Variants in ESR1 observed in about 807,000 individuals in gnomAD.
ESR1 encodes estrogen receptor.
In ESR1, 12 loss-of-function variants were observed where a neutral mutation model predicts 52.7. That is an observed-to-expected ratio of 0.23 (90% CI 0.15 to 0.37). ESR1 has a LOEUF of 0.37. ESR1 is among the 10% of genes least tolerant of loss of function. ESR1 has a pLI of 1.00. For missense variants in ESR1, 584 were observed against 779.7 expected (o/e 0.75, Z 2.99); for synonymous variants, 305 against 316.8 (o/e 0.96, Z 0.39).
intron 5 of ESR1, among the ~76,000 whole-genome samples, chr6:152,041,188 GGGCC>G (rs1178086450): frequency 6.6e-6 from 1 of 152,106 alleles, no homozygotes; most frequent in Non-Finnish European, 1.5e-5. Context: ...TGACCTATAG[GGGCC>G]TGCCAAGGGC....
intron 1 of ESR1, among the ~76,000 whole-genome samples, chr6:151,676,104 A>G (rs1778241389): frequency 6.6e-6 from 1 of 152,362 alleles, no homozygotes; most frequent in East Asian, 1.9e-4. Context: ...GAATGGAAGT[A>G]GGACAAAGAA....
At chr6:151,726,572 G>A (rs909362443) in intron 2 of ESR1, among the ~76,000 whole-genome samples, 4 of 152,174 alleles carry the variant, frequency 2.6e-5, no homozygotes, top group Admixed American at 6.5e-5. Flanking sequence ...TCCTGATTTC[G>A]TGATCCAACC....
At chr6:151,835,587 T>G (rs1783194167) in intron 1 of ESR1, among the ~76,000 whole-genome samples, 1 of 152,232 alleles carries the variant, frequency 6.6e-6, no homozygotes, top group African/African-American at 2.4e-5. Context: ...ATACTTAAGA[T>G]AAGTCGTATA....
chr6:152,011,536 T>C (rs2042767004), intron 4 of ESR1, 120 bp from the exon 5 acceptor site: 3 of 1,083,890 alleles, frequency 2.8e-6, no homozygotes, highest in African/African-American at 1.5e-5. Flanking sequence ...TATGTTCGTA[T>C]TGCATTTACT....
chr6:151,708,973 G>A (rs528477131), intron 2 of ESR1, among the ~76,000 whole-genome samples: 2 of 152,190 alleles, frequency 1.3e-5, no homozygotes, highest in Admixed American at 6.5e-5. Flanking sequence ...TTTTTGTGGT[G>A]AGAACACTTA....
At chr6:151,832,386 T>A (rs1323144806) in intron 1 of ESR1, among the ~76,000 whole-genome samples, 3 of 152,128 alleles carry the variant, frequency 2.0e-5, no homozygotes, top group Non-Finnish European at 4.4e-5. Flanking sequence ...ATACATTTAC[T>A]TTTGTGGAAA....
intron 6 of ESR1, among the ~76,000 whole-genome samples, chr6:152,076,717 C>G (rs777066905): frequency 1.1e-4 from 17 of 152,250 alleles, no homozygotes; most frequent in Non-Finnish European, 2.4e-4. Context: ...AAAGGTGACT[C>G]TTGTTATATC....
chr6:151,980,909 G>A (rs1467166299), intron 4 of ESR1, among the ~76,000 whole-genome samples: 1 of 152,138 alleles, frequency 6.6e-6, no homozygotes, highest in Admixed American at 6.5e-5. Flanking sequence ...TCAGCATATT[G>A]GCCAGGCTGG....
At chr6:152,095,028 T>C (rs1446386995) in intron 7 of ESR1, among the ~76,000 whole-genome samples, 1 of 152,166 alleles carries the variant, frequency 6.6e-6, no homozygotes, top group Non-Finnish European at 1.5e-5. Context: ...GAACCCCTTC[T>C]TGTCACCCCC....
intron 5 of ESR1, among the ~76,000 whole-genome samples, chr6:152,060,088 A>C (rs2047429303): frequency 6.6e-6 from 1 of 152,192 alleles, no homozygotes; most frequent in South Asian, 2.1e-4. Context: ...AAATAAATGA[A>C]TTCCTTTCGT....
At chr6:151,993,780 G>T (rs2041240518) in intron 4 of ESR1, among the ~76,000 whole-genome samples, 1 of 152,192 alleles carries the variant, frequency 6.6e-6, no homozygotes, top group Non-Finnish European at 1.5e-5. Flanking sequence ...GAAAGGTTGA[G>T]TGTCTTGCCC....
intron 1 of ESR1, among the ~76,000 whole-genome samples, chr6:151,679,428 C>A (rs757411878): frequency 6.6e-6 from 1 of 152,202 alleles, no homozygotes; most frequent in Non-Finnish European, 1.5e-5. Flanking sequence ...CGGCTCACCG[C>A]AACCTCCGTC....
intron 5 of ESR1, among the ~76,000 whole-genome samples, chr6:152,036,296 C>A (rs1013897582): frequency 1.3e-5 from 2 of 152,038 alleles, no homozygotes; most frequent in African/African-American, 2.4e-5. Context: ...GGAGGCGGAG[C>A]TTGCAGTGAG....
chr6:151,725,385 G>T (rs1251397124), intron 2 of ESR1, among the ~76,000 whole-genome samples: 2 of 152,148 alleles, frequency 1.3e-5, no homozygotes, highest in African/African-American at 2.4e-5. Flanking sequence ...CAAGGACATA[G>T]AATTTATTTT....
At chr6:152,103,616 A>G (rs1484124891), downstream of ESR1, among the ~76,000 whole-genome samples, 2 of 152,238 alleles carry the variant, frequency 1.3e-5, no homozygotes, top group Non-Finnish European at 2.9e-5. Context: ...GTGCTCATTA[A>G]ACATAGTTGC....
intron 5 of ESR1, among the ~76,000 whole-genome samples, chr6:152,055,736 C>G (rs1157372052): frequency 1.3e-5 from 2 of 152,154 alleles, no homozygotes; most frequent in East Asian, 3.9e-4. Flanking sequence ...TCTCATTTGA[C>G]CACTTCCCCA....
chr6:152,067,283 A>G (rs1158565734), intron 6 of ESR1, among the ~76,000 whole-genome samples: 2 of 152,142 alleles, frequency 1.3e-5, no homozygotes, highest in Non-Finnish European at 2.9e-5. Flanking sequence ...GCCTGGGGAA[A>G]ATGTAGGGAG....
At chr6:151,845,990 A>G (rs17081793) in intron 2 of ESR1, among the ~76,000 whole-genome samples, 1,932 of 152,256 alleles carry the variant, frequency 0.013, 35 homozygotes, top group African/African-American at 0.044. Context: ...CAGCAATTAG[A>G]TGATGGTGTC....
chr6:152,057,694 T>TACACACACAC lies in ESR1; in HGVS notation c.1236-3272_1236-3263dup, dbSNP rs10560254. On this transcript the variant is annotated intron_variant, in intron 5 of 7. Coordinates refer to ENST00000206249, the MANE Select transcript of ESR1 (RefSeq NM_000125.4). ...TTCCCTAAAGGAACATACACATGCA[T>TACACACACAC]ACACACACACACACACACACACACA... 5.7e-3 allele frequency among the ~76,000 whole-genome samples: 834 copies of TACACACACAC among 145,816 alleles called. 6 individuals are homozygous for TACACACACAC. Among genetic ancestry groups the TACACACACAC allele is most frequent in the African/African-American group, 0.02 (802 of 40,178 alleles).
Sources: allele counts gnomAD v4.1 joint callset (sites outside exome capture counted in the v4.1 genomes callset), GRCh38; gene constraint gnomAD v4.1.1; transcripts MANE v1.5; gene names NCBI Gene and HGNC (gene_info 2026-07-23, HGNC 2026-07-21).